The following PARL variants were observed in gnomAD, a reference collection of about 807,000 sequenced individuals.
PARL encodes the protein presenilin-associated rhomboid-like protein, mitochondrial.
In PARL, 44 loss-of-function variants were observed where a neutral mutation model predicts 51.6. The observed-to-expected ratio is 0.85, with a 90% CI of 0.67 to 1.10. PARL has a LOEUF of 1.10. Ranked by LOEUF, PARL falls within the 50% of genes least tolerant of loss-of-function variation. The pLI, the probability that PARL is intolerant of heterozygous loss-of-function variation, is 0.00. For synonymous variants in PARL, 172 were observed against 164.0 expected (o/e 1.05, Z -0.37); for missense variants, 441 against 469.5 (o/e 0.94, Z 0.56).
chr3:183,884,083 T>C (rs1734848705), intron 1 of PARL, among the ~76,000 whole-genome samples: 1 of 152,212 alleles, frequency 6.6e-6, no homozygotes, highest in African/African-American at 2.4e-5. Flanking sequence ...GAGGAATTTC[T>C]CTCTTCTCTC....
intron 4 of PARL, among the ~76,000 whole-genome samples, chr3:183,860,130 C>G (rs1731639148): frequency 1.3e-5 from 2 of 152,012 alleles, no homozygotes; most frequent in Admixed American, 1.3e-4. Context: ...ACCTGTCACC[C>G]CATAAATCTA....
chr3:183,844,485 T>C (rs1729723130), intron 4 of PARL, 159 bp from the exon 5 acceptor site: 1 of 635,506 alleles, frequency 1.6e-6, no homozygotes, highest in Non-Finnish European at 2.8e-6. Flanking sequence ...AATGAATGCT[T>C]TTAAAGTATC....
At chr3:183,880,943 G>A (rs781492039) in intron 1 of PARL, among the ~76,000 whole-genome samples, 1 of 151,918 alleles carries the variant, frequency 6.6e-6, no homozygotes, top group East Asian at 1.9e-4. Context: ...AGCCTCCCAC[G>A]TGGCTGGGAC....
chr3:183,879,739 G>A (rs1001416746), intron 1 of PARL: 64 of 978,280 alleles, frequency 6.5e-5, no homozygotes, highest in Non-Finnish European at 7.6e-5. Context: ...TGGGCGGGGG[G>A]AGGTCCTCGC....
At chr3:183,855,131 A>C (rs577314363) in intron 4 of PARL, among the ~76,000 whole-genome samples, 5 of 152,138 alleles carry the variant, frequency 3.3e-5, no homozygotes, top group Admixed American at 3.3e-4. Context: ...ATGGCTGCCT[A>C]AGGCTGAGGG....
intron 5 of PARL, among the ~76,000 whole-genome samples, chr3:183,842,733 A>G (rs545915231): frequency 6.9e-4 from 96 of 138,476 alleles, no homozygotes; most frequent in Non-Finnish European, 1.3e-3. Flanking sequence ...ACTTGGACCC[A>G]GGAGGTAGAG....
At chr3:183,867,762 C>G (rs2108680919) in intron 2 of PARL, 103 bp downstream of exon 2, 4 of 823,864 alleles carry the variant, frequency 4.9e-6, no homozygotes, top group South Asian at 4.2e-5. Context: ...CTTTTTGATC[C>G]CCCCTCTACC....
intron 3 of PARL, among the ~76,000 whole-genome samples, chr3:183,865,044 A>G (rs1732306719): frequency 1.3e-5 from 2 of 151,864 alleles, no homozygotes; most frequent in Non-Finnish European, 2.9e-5. Flanking sequence ...AGTGGCTCAC[A>G]CTTGTGAAAT....
At chr3:183,847,373 G>A (rs1730077886) in intron 4 of PARL, among the ~76,000 whole-genome samples, 2 of 152,030 alleles carry the variant, frequency 1.3e-5, no homozygotes, top group African/African-American at 4.8e-5. Flanking sequence ...GACCACCCTG[G>A]GCAACATAGT....
intron 5 of PARL, among the ~76,000 whole-genome samples, chr3:183,843,935 A>T (rs1729643324): frequency 6.6e-6 from 1 of 152,058 alleles, no homozygotes. Flanking sequence ...GCTACTAGGG[A>T]GGCTGAGGCA....
chr3:183,874,654 C>A (rs1439429602), intron 1 of PARL, among the ~76,000 whole-genome samples: 1 of 152,102 alleles, frequency 6.6e-6, no homozygotes. Context: ...GTGATCCTCC[C>A]GCTTCGGCCT....
Position 183,829,289 on chromosome 3 carries a change from G to A in PARL, c.*309C>T. 1 of 665,978 alleles carries A rather than the reference G, an allele frequency of 1.5e-6. No homozygotes were observed. The highest frequency in any genetic ancestry group is 2.3e-6 in the Non-Finnish European group (1 of 444,114). 41.3% of individuals were successfully genotyped at this position (665,978 alleles called of 1,614,324 possible). A position where few individuals can be genotyped will look rare whatever the true frequency, so the allele number is the denominator to read the frequency against. On this transcript the variant is annotated 3_prime_UTR_variant, in exon 10 of 10. Coordinates refer to ENST00000317096, the MANE Select transcript of PARL (RefSeq NM_018622.7). Reference sequence around the variant, plus strand: ...AACCAGCGCCTTCATGTTCTGATCAGGCCTTTCAGGGTGCACTCTCCCCAG... The same window carrying A: ...AACCAGCGCCTTCATGTTCTGATCAAGCCTTTCAGGGTGCACTCTCCCCAG...
At chr3:183,878,185 T>C (rs1373042679) in intron 1 of PARL, among the ~76,000 whole-genome samples, 1 of 152,212 alleles carries the variant, frequency 6.6e-6, no homozygotes, top group Non-Finnish European at 1.5e-5. Flanking sequence ...GTCTGCTTGC[T>C]CTTTCACCGC....
chr3:183,874,659 C>T (rs1322584423), intron 1 of PARL, among the ~76,000 whole-genome samples: 2 of 152,094 alleles, frequency 1.3e-5, no homozygotes, highest in African/African-American at 2.4e-5. Context: ...CCTCCCGCTT[C>T]GGCCTCCCAA....
rs1734910368 is a variant in PARL at position 183,884,606 on chromosome 3, G to A, written c.125+116C>T. The A allele has an allele frequency of 6.8e-6, 7 of 1,023,052 alleles. No individual in the cohort carries two copies. The East Asian group carries it at 1.8e-4, about 27-fold the overall frequency. The allele number at this position is 1,023,052 out of a possible 1,614,324, so 63.4% of individuals were successfully genotyped here. A position where few individuals can be genotyped will look rare whatever the true frequency, so the allele number is the denominator to read the frequency against. On this transcript the variant is annotated intron_variant, in intron 1 of 9. Coordinates refer to ENST00000317096, the MANE Select transcript of PARL (RefSeq NM_018622.7). ...AGAGGAGAGAGAAGGGGCAGGTAAG[G>A]TGAAGGGGGTGAGCTGGGGCCAGCA...
At chr3:183,836,384 A>G (rs1162033241) in intron 7 of PARL, among the ~76,000 whole-genome samples, 1 of 152,114 alleles carries the variant, frequency 6.6e-6, no homozygotes, top group Non-Finnish European at 1.5e-5. Flanking sequence ...TTACATACAC[A>G]GTTCCATCAT....
At chr3:183,845,063 T>G (rs996723859) in intron 4 of PARL, among the ~76,000 whole-genome samples, 1 of 151,388 alleles carries the variant, frequency 6.6e-6, no homozygotes, top group Non-Finnish European at 1.5e-5. Context: ...CTCCTTCACA[T>G]AGCAGGTATT....
chr3:183,880,973 C>T (rs750540198), intron 1 of PARL, among the ~76,000 whole-genome samples: 37 of 151,880 alleles, frequency 2.4e-4, no homozygotes, highest in Non-Finnish European at 4.3e-4. Flanking sequence ...CACCACCATA[C>T]CCACTAATTT....
intron 7 of PARL, among the ~76,000 whole-genome samples, chr3:183,835,752 A>G (rs2606230): frequency 0.51 from 77,274 of 151,766 alleles, 20,105 homozygotes; most frequent in Middle Eastern, 0.6. Flanking sequence ...CTGTAGTCCC[A>G]GCTACTCGGA....
Sources: allele counts gnomAD v4.1 joint callset (sites outside exome capture counted in the v4.1 genomes callset), GRCh38; gene constraint gnomAD v4.1.1; transcripts MANE v1.5; gene names NCBI Gene and HGNC (gene_info 2026-07-23, HGNC 2026-07-21).